The following AVL9 variants were observed in gnomAD, a reference collection of about 807,000 sequenced individuals.
The protein encoded by AVL9 is AVL9 cell migration associated.
A neutral mutation model predicts 79.2 loss-of-function variants in AVL9; 49 were observed. The ratio of observed to expected loss-of-function variants is 0.62; its 90% CI spans 0.49 to 0.79. The LOEUF (loss-of-function observed/expected upper bound fraction) is 0.79. Ranked by LOEUF, AVL9 falls within the 30% of genes least tolerant of loss-of-function variation. The pLI, the probability that AVL9 is intolerant of heterozygous loss-of-function variation, is 0.00. For synonymous variants in AVL9, 299 were observed against 280.6 expected (o/e 1.07, Z -0.65); for missense variants, 682 against 776.8 (o/e 0.88, Z 1.45).
chr7:32,563,263 C>T (rs1790407929), intron 10 of AVL9, among the ~76,000 whole-genome samples: 1 of 152,038 alleles, frequency 6.6e-6, no homozygotes, highest in Non-Finnish European at 1.5e-5. Context: ...AACTCCTGAT[C>T]TCAGGTGATC....
chr7:32,519,916 G>A lies in AVL9; in HGVS notation c.94-23225G>A, dbSNP rs369786016. ...AGAGGAAGTGAGCACATCTTCACAT[G>A]TGGAAGTGTGAGAGAGAGAGTGCAA... On this transcript the variant is annotated intron_variant, in intron 1 of 15. Transcript: ENST00000318709. 1.3e-4 allele frequency among the ~76,000 whole-genome samples: 20 copies of A among 152,312 alleles called. No homozygotes were observed. The East Asian group carries it at 1.5e-3, about 12-fold the overall frequency.
rs1791153567 is a variant in AVL9, at chr7:32,577,421, TAATAGTATTA to T, written c.1688+1353_1688+1362del. Among the ~76,000 whole-genome samples the T allele has an allele frequency of 2.0e-5, 3 of 152,336 alleles. No homozygotes were observed. The South Asian group carries it at 6.2e-4, about 32-fold the overall frequency. ...ACAGAATTAAAAGGCAAAACCATTT[TAATAGTATTA>T]AATGAAAGGGCTGAGTTCAAAGTGT... On this transcript the variant is annotated intron_variant, in intron 13 of 15. Coordinates refer to ENST00000318709, the MANE Select transcript of AVL9 (RefSeq NM_015060.3).
chr7:32,547,257 T>A (rs1259243719), intron 3 of AVL9, among the ~76,000 whole-genome samples: 1 of 152,212 alleles, frequency 6.6e-6, no homozygotes, highest in Non-Finnish European at 1.5e-5. Context: ...CCAGAGTTGG[T>A]TTTAAAACCT....
At chr7:32,526,398 A>G (rs1357347566) in intron 1 of AVL9, among the ~76,000 whole-genome samples, 1 of 152,182 alleles carries the variant, frequency 6.6e-6, no homozygotes, top group African/African-American at 2.4e-5. Context: ...GTCTGAAGGC[A>G]AGAAGAGACA....
At chr7:32,549,040 C>A (rs1789669491) in intron 4 of AVL9, 122 bp downstream of exon 4, 1 of 521,314 alleles carries the variant, frequency 1.9e-6, no homozygotes, top group Non-Finnish European at 3.1e-6. Context: ...TATGCCCTAG[C>A]ATCTCCTCAT....
chr7:32,573,264 A>C lies in AVL9; in HGVS notation c.1416A>C (p.Ala472=), dbSNP rs780976074. 1.9e-6 allele frequency: 3 copies of C among 1,613,832 alleles called. No homozygotes were observed. The African/African-American group carries it at 4.0e-5, about 22-fold the overall frequency. Residue 472 remains alanine, a synonymous_variant, in exon 12 of 16, where the codon GCA becomes GCC. Coordinates refer to ENST00000318709, the MANE Select transcript of AVL9 (RefSeq NM_015060.3). ...GGAAGCTGCTTAACCCAACCACTGC[A>C]GACCTAAGGTTCGCAGACTACCTAG... ...ELRKLLNPTT[A]DLRFADYLVR...
chr7:32,547,219 AG>A (rs1230176894), intron 3 of AVL9, among the ~76,000 whole-genome samples: 14 of 152,166 alleles, frequency 9.2e-5, no homozygotes, highest in Non-Finnish European at 1.5e-5. Context: ...AACAAAACAT[AG>A]TTAGTTGTTT....
chr7:32,548,151 C>CTTTTGTTTTCTTTTTGTTTT (rs71559236), intron 3 of AVL9, among the ~76,000 whole-genome samples: 9,681 of 131,252 alleles, frequency 0.074, 840 homozygotes, highest in African/African-American at 0.11. Flanking sequence ...TCTCTTTTTT[C>CTTTTGTTTTCTTTTTGTTTT]TTTTTTTTTT....
At chr7:32,583,264 G>A (rs1791596802) in intron 15 of AVL9, among the ~76,000 whole-genome samples, 1 of 152,218 alleles carries the variant, frequency 6.6e-6, no homozygotes, top group Non-Finnish European at 1.5e-5. Context: ...AATACTTTCA[G>A]AATGCTGAGG....
At chr7:32,520,942 G>A (rs6949978) in intron 1 of AVL9, among the ~76,000 whole-genome samples, 28,115 of 151,918 alleles carry the variant, frequency 0.19, 2,854 homozygotes, top group South Asian at 0.31. Context: ...TGCTATTCTC[G>A]TGATAGTGAA....
intron 1 of AVL9, chr7:32,534,438 C>T (rs1562770869): frequency 1.3e-5 from 2 of 151,408 alleles, no homozygotes; most frequent in East Asian, 3.9e-4. Flanking sequence ...ACATGATTAC[C>T]TTGTGAATAC....
intron 8 of AVL9, among the ~76,000 whole-genome samples, chr7:32,557,062 A>G (rs1429153773): frequency 2.0e-5 from 3 of 152,214 alleles, no homozygotes; most frequent in Non-Finnish European, 4.4e-5. Flanking sequence ...TCTTAAGAAA[A>G]AGAAAATATT....
intron 1 of AVL9, among the ~76,000 whole-genome samples, chr7:32,529,741 G>A (rs28415017): frequency 0.016 from 2,419 of 152,242 alleles, 28 homozygotes; most frequent in Non-Finnish European, 0.025. Flanking sequence ...ACAATAAAGT[G>A]CATGAAACCT....
At chr7:32,557,865 T>TTTGTTTG (rs1554343389) in intron 8 of AVL9, among the ~76,000 whole-genome samples, 41 of 148,202 alleles carry the variant, frequency 2.8e-4, no homozygotes, top group East Asian at 7.9e-4. Context: ...TTTTTTTTTT[T>TTTGTTTG]TTTTTTTTGA....
intron 10 of AVL9, 131 bp downstream of exon 10, chr7:32,559,595 C>A: frequency 1.2e-6 from 1 of 801,038 alleles, no homozygotes; most frequent in Non-Finnish European, 1.9e-6. Flanking sequence ...AAAGTACAAC[C>A]AAATACATAG....
rs1791753045 is a variant in AVL9, at chr7:32,585,844, C to A, written c.*1937C>A. ...GCTGTTTGAAGAGAAGAAAGTAGTA[C>A]CAAACAAAAACCTTAAACAGTACTT... On this transcript the variant is annotated 3_prime_UTR_variant, in exon 16 of 16. Transcript: ENST00000318709. The A allele has an allele frequency of 6.6e-6, 1 of 152,196 alleles. No individual in the cohort carries two copies. The highest frequency in any genetic ancestry group is 2.4e-5 in the African/African-American group (1 of 41,452). The allele number at this position is 152,196 out of a possible 1,614,324, so 9.4% of individuals were successfully genotyped here.
chr7:32,526,149 CAG>C (rs1481308542), intron 1 of AVL9, among the ~76,000 whole-genome samples: 2 of 152,136 alleles, frequency 1.3e-5, no homozygotes, highest in Admixed American at 1.3e-4. Context: ...GCAGGCCAGT[CAG>C]AGATTCTCCA....
chr7:32,556,109 A>G (rs1344144338), intron 8 of AVL9, among the ~76,000 whole-genome samples: 6 of 152,338 alleles, frequency 3.9e-5, no homozygotes, highest in African/African-American at 1.4e-4. Context: ...AAATGAATAT[A>G]TATTAATTGA....
intron 1 of AVL9, among the ~76,000 whole-genome samples, chr7:32,506,646 C>T (rs1166000235): frequency 6.6e-6 from 1 of 152,092 alleles, no homozygotes; most frequent in South Asian, 2.1e-4. Context: ...GGTGCAGTGG[C>T]TCACACCTGT....
Sources: allele counts gnomAD v4.1 joint callset (sites outside exome capture counted in the v4.1 genomes callset), GRCh38; gene constraint gnomAD v4.1.1; transcripts MANE v1.5; gene names NCBI Gene and HGNC (gene_info 2026-07-23, HGNC 2026-07-21).